Variants in TXNDC8 observed in about 807,000 individuals in gnomAD.
TXNDC8 encodes thioredoxin domain-containing protein 8.
TXNDC8 carries 15 observed loss-of-function variants against 12.9 expected under a neutral mutation model. The observed-to-expected ratio is 1.16, with a 90% confidence interval of 0.78 to 1.79. The LOEUF (loss-of-function observed/expected upper bound fraction) is 1.79. Among genes scored for constraint, TXNDC8 ranks in the 40% most tolerant of loss-of-function variants. The probability of loss-of-function intolerance (pLI) is 0.00; values close to 1 mark genes in which losing one functional copy is unlikely to be tolerated. For synonymous variants in TXNDC8, 40 were observed against 35.4 expected (o/e 1.13, Z -0.46); for missense variants, 128 against 113.2 (o/e 1.13, Z -0.59).
intron 1 of TXNDC8, among the ~76,000 whole-genome samples, chr9:110,334,647 C>A (rs1009010124): frequency 1.3e-5 from 2 of 152,048 alleles, no homozygotes; most frequent in Non-Finnish European, 2.9e-5. Flanking sequence ...TTTGTAAGTA[C>A]ATAAAAATCA....
intron 2 of TXNDC8, among the ~76,000 whole-genome samples, chr9:110,330,250 C>G (rs1429237523): frequency 6.6e-6 from 1 of 152,238 alleles, no homozygotes; most frequent in Admixed American, 6.5e-5. Context: ...CTGAAAGTCA[C>G]TGCTCTAGTT....
chr9:110,319,092 A>T (rs1399964762), intron 3 of TXNDC8, among the ~76,000 whole-genome samples: 2 of 152,212 alleles, frequency 1.3e-5, no homozygotes, highest in Non-Finnish European at 2.9e-5. Flanking sequence ...ACCCCCAGTC[A>T]ATCTCTGCCA....
chr9:110,317,173 T>C (rs1230045203), intron 3 of TXNDC8, among the ~76,000 whole-genome samples: 3 of 152,226 alleles, frequency 2.0e-5, no homozygotes, highest in Non-Finnish European at 4.4e-5. Flanking sequence ...GATTTTGGAC[T>C]CTGGCTAGAG....
chr9:110,324,093 A>T, intron 3 of TXNDC8: 1 of 1,434,012 alleles, frequency 7.0e-7, no homozygotes, highest in Non-Finnish European at 9.3e-7. Flanking sequence ...GCTGGGTGCC[A>T]AAAAGAAGTG....
intron 1 of TXNDC8, among the ~76,000 whole-genome samples, chr9:110,337,343 A>G (rs1839795671): frequency 6.6e-6 from 1 of 152,250 alleles, no homozygotes; most frequent in Non-Finnish European, 1.5e-5. Flanking sequence ...TTGTGACAGC[A>G]ACATTGGGCT....
At chr9:110,324,610 C>G (rs1254070055) in intron 3 of TXNDC8, among the ~76,000 whole-genome samples, 3 of 151,972 alleles carry the variant, frequency 2.0e-5, no homozygotes, top group Admixed American at 6.6e-5. Flanking sequence ...ATTGAGATTG[C>G]TTTCATTTTT....
chr9:110,304,590 C>G, intron 3 of TXNDC8, 58 bp from the exon 5 acceptor site: 1 of 1,465,190 alleles, frequency 6.8e-7, no homozygotes, highest in Non-Finnish European at 9.3e-7. Flanking sequence ...GTAACCATCT[C>G]CCCTATAACT....
chr9:110,337,158 C>T (rs773712413), intron 1 of TXNDC8, among the ~76,000 whole-genome samples: 3 of 152,174 alleles, frequency 2.0e-5, no homozygotes, highest in Non-Finnish European at 4.4e-5. Flanking sequence ...AGGCCCCAAA[C>T]CCCCTCCCCT....
chr9:110,308,771 T>C (rs371973935), intron 3 of TXNDC8, among the ~76,000 whole-genome samples: 1 of 152,348 alleles, frequency 6.6e-6, no homozygotes, highest in African/African-American at 2.4e-5. Flanking sequence ...CTTCTAACGA[T>C]TTGAACCCCT....
chr9:110,314,579 C>T (rs1448947555), intron 3 of TXNDC8, among the ~76,000 whole-genome samples: 1 of 151,744 alleles, frequency 6.6e-6, no homozygotes, highest in Admixed American at 6.6e-5. Flanking sequence ...ACTACAGGCG[C>T]CCGCCACCCC....
intron 3 of TXNDC8, among the ~76,000 whole-genome samples, chr9:110,318,721 G>A (rs942417578): frequency 1.3e-5 from 2 of 151,084 alleles, no homozygotes; most frequent in African/African-American, 4.9e-5. Flanking sequence ...CTGGGCGACA[G>A]AGCAAGACTC....
intron 2 of TXNDC8, among the ~76,000 whole-genome samples, 182 bp from the exon 3 acceptor site, chr9:110,329,473 C>T (rs569596524): frequency 6.6e-6 from 1 of 152,236 alleles, no homozygotes; most frequent in East Asian, 1.9e-4. Flanking sequence ...CAGATGATGC[C>T]AAGGTCAGAT....
At chr9:110,329,164 A>C in intron 2 of TXNDC8, 68 bp downstream of exon 3, 1 of 1,314,536 alleles carries the variant, frequency 7.6e-7, no homozygotes, top group Non-Finnish European at 1.1e-6. Flanking sequence ...ATAATTACTG[A>C]GACAGTGCTA....
At chr9:110,323,710 G>A (rs1839197432) in intron 3 of TXNDC8, 15 of 803,570 alleles carry the variant, frequency 1.9e-5, no homozygotes, top group Non-Finnish European at 2.8e-5. Flanking sequence ...CTTCAGGCAT[G>A]GATAGATTCA....
At position 110,315,515 on chromosome 9, in the gene TXNDC8, A is replaced by G. The variant is rs112735488; in HGVS notation, c.195+10660T>C. Among the ~76,000 whole-genome samples the G allele has an allele frequency of 5.9e-3, 894 of 152,286 alleles. 9 individuals are homozygous for G. Among genetic ancestry groups the G allele is most frequent in the African/African-American group, 0.02 (847 of 41,534 alleles). The stretch of plus-strand genomic sequence containing the variant: ...TCCCCTCCTCACAAATGGACTTCCA[A>G]GAGTACCAATTAGACTTTAGAGTCT... On this transcript the variant is annotated intron_variant, in intron 3 of 4. Transcript: ENST00000423740.
chr9:110,324,632 A>T (rs2118825757), intron 3 of TXNDC8, among the ~76,000 whole-genome samples: 1 of 152,344 alleles, frequency 6.6e-6, no homozygotes, highest in East Asian at 1.9e-4. Context: ...AAAACTAGAT[A>T]TAGTGCTACA....
intron 1 of TXNDC8, among the ~76,000 whole-genome samples, chr9:110,335,713 A>G (rs1471094320): frequency 6.6e-6 from 1 of 152,176 alleles, no homozygotes; most frequent in Non-Finnish European, 1.5e-5. Flanking sequence ...TCCTGAGTTC[A>G]TTATAGAATT....
At chr9:110,334,149 CT>C (rs2118875769) in intron 2 of TXNDC8, 66 bp downstream of exon 2, 1 of 1,385,152 alleles carries the variant, frequency 7.2e-7, no homozygotes, top group African/African-American at 1.5e-5. Context: ...TTAAGAATTA[CT>C]GGGAAAAATA....
At chr9:110,311,557 A>ATC (rs1484721927) in intron 3 of TXNDC8, among the ~76,000 whole-genome samples, 2 of 125,930 alleles carry the variant, frequency 1.6e-5, no homozygotes, top group African/African-American at 3.0e-5. Context: ...ATATATATAT[A>ATC]TCTCCATACT....
Sources: gnomAD v4.1 joint callset for allele counts (sites outside exome capture counted in the v4.1 genomes callset) on GRCh38, gnomAD v4.1.1 for gene constraint, MANE v1.5 for transcripts, NCBI Gene and HGNC (gene_info 2026-07-23, HGNC 2026-07-21) for gene names.